Variants in PHF14 observed in about 807,000 individuals in gnomAD.
PHF14 encodes PHD finger protein 14.
A neutral mutation model predicts 117.9 loss-of-function variants in PHF14; 55 were observed. The ratio of observed to expected loss-of-function variants is 0.47; its 90% CI spans 0.38 to 0.58. The LOEUF is 0.58. PHF14 is among the 20% of genes least tolerant of loss of function. The pLI is 0.00. For synonymous variants in PHF14, 409 were observed against 368.6 expected (o/e 1.11, Z -1.26); for missense variants, 978 against 1,122.2 (o/e 0.87, Z 1.84).
intron 16 of PHF14, chr7:11,062,990 T>A: frequency 1.2e-6 from 1 of 844,942 alleles, no homozygotes; most frequent in Non-Finnish European, 1.4e-6. Flanking sequence ...ATAAACATAT[T>A]GATAAAACAA....
chr7:10,987,004 G>A (rs1030587467), intron 3 of PHF14, among the ~76,000 whole-genome samples: 6 of 152,022 alleles, frequency 3.9e-5, no homozygotes, highest in Non-Finnish European at 7.4e-5. Flanking sequence ...AAAAGTCTCC[G>A]TTAAGTACAT....
chr7:11,085,195 T>G (rs1238594346), intron 16 of PHF14, among the ~76,000 whole-genome samples: 1 of 152,190 alleles, frequency 6.6e-6, no homozygotes, highest in African/African-American at 2.4e-5. Flanking sequence ...CAGTTTTGCT[T>G]GACATGTTTT....
At chr7:11,141,096 T>A (rs989781994) in intron 17 of PHF14, among the ~76,000 whole-genome samples, 4 of 152,108 alleles carry the variant, frequency 2.6e-5, no homozygotes, top group African/African-American at 7.2e-5. Flanking sequence ...CCTCCTGAGT[T>A]TACATTTCCT....
chr7:11,104,950 G>C (rs1483266571), intron 16 of PHF14: 1 of 949,024 alleles, frequency 1.1e-6, no homozygotes, highest in African/African-American at 1.8e-5. Context: ...TCCTTAAAAG[G>C]TCCCTTAGAT....
chr7:11,040,658 G>A lies in PHF14; in HGVS notation c.2077-14G>A. Reference sequence around the variant, plus strand: ...TCTTAAAACAATATATACTACATTTGTTCAAATCAATAGAAGTTGAATATA... The same window carrying A: ...TCTTAAAACAATATATACTACATTTATTCAAATCAATAGAAGTTGAATATA... On this transcript the variant is annotated splice_polypyrimidine_tract_variant and intron_variant, in intron 11 of 17. Coordinates refer to ENST00000634607, the MANE Select transcript of PHF14 (RefSeq NM_001007157.2). 2.1e-6 allele frequency: 3 copies of A among 1,416,240 alleles called. No homozygotes were observed. Among genetic ancestry groups the A allele is most frequent in the Non-Finnish European group, 2.9e-6 (3 of 1,039,168 alleles). The allele number at this position is 1,416,240 out of a possible 1,614,324, so 87.7% of individuals were successfully genotyped here.
rs528529111 is a variant in PHF14 at position 11,055,548 on chromosome 7, C to T, written c.2481+3768C>T. Among the ~76,000 whole-genome samples the T allele has an allele frequency of 2.7e-4, 41 of 152,232 alleles. No individual in the cohort carries two copies. In the South Asian group the frequency reaches 7.3e-3, roughly 27 times the overall value. ...AATAAATAGGCAAAATACTTTTTAG[C>T]AGCTTTGACTGAAAACCATATTGTT... On this transcript the variant is annotated intron_variant, in intron 14 of 17. Transcript: ENST00000634607.
intron 4 of PHF14, among the ~76,000 whole-genome samples, chr7:11,004,693 T>A (rs939447465): frequency 1.3e-5 from 2 of 152,152 alleles, no homozygotes; most frequent in Non-Finnish European, 2.9e-5. Context: ...TTTTTTTTTT[T>A]TGTAAGAGTA....
intron 4 of PHF14, among the ~76,000 whole-genome samples, chr7:11,012,236 G>C (rs1783380182): frequency 6.6e-6 from 1 of 152,092 alleles, no homozygotes. Context: ...CTCAAAATCA[G>C]GGAAAATACT....
chr7:11,040,755 T>G lies in PHF14; in HGVS notation c.2160T>G (p.Thr720=). The change falls in exon 12 of 18, where the codon ACT becomes ACG. Residue 720 remains threonine (T), a synonymous_variant. Coordinates refer to ENST00000634607, the MANE Select transcript of PHF14 (RefSeq NM_001007157.2). ...KKEGGTQKTS[T]LPAVLYSCGI... Reference sequence around the variant, plus strand: ...AAGGAGGCACACAAAAGACATCTACTCTTCCTGCAGTACTTTATAGGCAAG... The same window carrying G: ...AAGGAGGCACACAAAAGACATCTACGCTTCCTGCAGTACTTTATAGGCAAG... The G allele has an allele frequency of 6.5e-7, 1 of 1,549,852 alleles. No individual in the cohort carries two copies. Among genetic ancestry groups the G allele is most frequent in the Non-Finnish European group, 8.8e-7 (1 of 1,142,238 alleles).
chr7:11,099,294 G>T (rs1018238958), intron 16 of PHF14, among the ~76,000 whole-genome samples: 1 of 151,988 alleles, frequency 6.6e-6, no homozygotes, highest in Non-Finnish European at 1.5e-5. Context: ...AGACCTTTAA[G>T]TGTCTTTGTA....
intron 14 of PHF14, among the ~76,000 whole-genome samples, chr7:11,060,848 G>T (rs762794215): frequency 6.6e-6 from 1 of 151,956 alleles, no homozygotes; most frequent in Admixed American, 6.6e-5. Context: ...GTTGACTCTT[G>T]GTTATCTAGG....
intron 16 of PHF14, among the ~76,000 whole-genome samples, chr7:11,076,853 T>G (rs1429807901): frequency 6.6e-6 from 1 of 151,158 alleles, no homozygotes; most frequent in Admixed American, 6.6e-5. Flanking sequence ...CAGGCATGAG[T>G]CACTGTGCCT....
intron 4 of PHF14, among the ~76,000 whole-genome samples, chr7:11,012,218 C>G (rs2128315835): frequency 6.6e-6 from 1 of 152,268 alleles, no homozygotes; most frequent in South Asian, 2.1e-4. Context: ...ATAATCTACT[C>G]TTTTAAACTC....
intron 17 of PHF14, among the ~76,000 whole-genome samples, chr7:11,153,131 G>T (rs1370612978): frequency 1.3e-5 from 2 of 152,108 alleles, no homozygotes; most frequent in Non-Finnish European, 2.9e-5. Context: ...TAAAGAATAG[G>T]TATACAATTA....
Position 10,982,488 on chromosome 7 carries a change from A to G in PHF14, c.229A>G (p.Lys77Glu). The G allele has an allele frequency of 6.3e-7, 1 of 1,578,710 alleles. No homozygotes were observed. The highest frequency in any genetic ancestry group is 1.7e-4 in the Middle Eastern group (1 of 5,974). Reference protein sequence around the residue: ...EEELNEDIKVKEEQLKNSAEE... With the variant: ...EEELNEDIKVEEEQLKNSAEE... ...AGAACTGAATGAAGATATTAAAGTA[A>G]AAGAAGAACAACTTAAAAATTCTGC... The change falls in exon 3 of 18, where the codon AAA (lysine) becomes GAA (glutamate). Residue 77 changes from lysine (K) to glutamate (E), a missense_variant. By Grantham distance (56) the Lys-to-Glu change is moderately conservative. Coordinates refer to ENST00000634607, the MANE Select transcript of PHF14 (RefSeq NM_001007157.2).
intron 4 of PHF14, among the ~76,000 whole-genome samples, chr7:10,995,634 G>T (rs1244361701): frequency 6.6e-6 from 1 of 152,202 alleles, no homozygotes; most frequent in Non-Finnish European, 1.5e-5. Context: ...GGCCACGCAG[G>T]AGCCCATGGC....
At chr7:11,139,072 T>C (rs1788330763) in intron 17 of PHF14, among the ~76,000 whole-genome samples, 1 of 152,224 alleles carries the variant, frequency 6.6e-6, no homozygotes, top group Non-Finnish European at 1.5e-5. Flanking sequence ...ATTGTTGTTT[T>C]CATATTCACA....
rs1389154499 is a variant in PHF14 at position 10,982,607 on chromosome 7, G to A, written c.348G>A (p.Glu116=). The A allele has an allele frequency of 2.6e-6, 4 of 1,516,070 alleles. No homozygotes were observed. The Admixed American group carries it at 6.0e-5, about 23-fold the overall frequency. The allele number at this position is 1,516,070 out of a possible 1,614,324, so 93.9% of individuals were successfully genotyped here. A position where few individuals can be genotyped will look rare whatever the true frequency, so the allele number is the denominator to read the frequency against. The change falls in exon 3 of 18, where the codon GAG becomes GAA. Residue 116 remains glutamate (E), a synonymous_variant. Transcript: ENST00000634607. ...GAGAAAGACCTAGAAAGAAAAAGGA[G>A]AAAGAGAAGGAAAAAGAAAAGGAAA... ...ENGERPRKKK[E]KEKEKEKEKE... is the part of the protein sequence containing the mutation.
chr7:11,085,566 C>T lies in PHF14; in HGVS notation c.2654+23481C>T, dbSNP rs1457872382. On this transcript the variant is annotated intron_variant, in intron 16 of 17. Coordinates refer to ENST00000634607, the MANE Select transcript of PHF14 (RefSeq NM_001007157.2). ...ATCGTTTTTTAATTTTCTAAATACT[C>T]ATCCTATTTGGCCTCGTTTCAACAT... Among the ~76,000 whole-genome samples, 6 of 152,310 alleles carry T rather than the reference C, an allele frequency of 3.9e-5. No individual in the cohort carries two copies. The East Asian group carries it at 7.7e-4, about 20-fold the overall frequency.
Sources: allele counts gnomAD v4.1 joint callset (sites outside exome capture counted in the v4.1 genomes callset), GRCh38; gene constraint gnomAD v4.1.1; transcripts MANE v1.5; gene names NCBI Gene and HGNC (gene_info 2026-07-23, HGNC 2026-07-21).